The following SLC37A3 variants were observed in gnomAD, a reference collection of about 807,000 sequenced individuals.
The protein encoded by SLC37A3 is sugar phosphate exchanger 3.
SLC37A3 carries 51 observed loss-of-function variants against 67.1 expected under a neutral mutation model. The ratio of observed to expected loss-of-function variants is 0.76; its 90% CI spans 0.61 to 0.96. SLC37A3 has a LOEUF of 0.96. Among genes scored for constraint, SLC37A3 ranks in the 40% least tolerant of loss-of-function variants. SLC37A3 has a pLI of 0.00. For synonymous variants in SLC37A3, 214 were observed against 231.4 expected, an observed-to-expected ratio of 0.92 and a Z score of 0.68; for missense variants, 508 against 603.0, an observed-to-expected ratio of 0.84 and a Z score of 1.65.
In SLC37A3 at chr7:140,349,951, A is replaced by G. The variant is rs180717301; in HGVS notation, c.883-1184T>C. ...AACCTGCATTTCTCTTATATCATAT[A>G]TCATCACTGGGTTAAAGAATTGTGG... On this transcript the variant is annotated intron_variant, in intron 9 of 14. Coordinates refer to ENST00000326232, the MANE Select transcript of SLC37A3 (RefSeq NM_207113.3). Among the ~76,000 whole-genome samples the G allele has an allele frequency of 9.8e-4, 149 of 152,348 alleles. 2 individuals are homozygous for G. The highest frequency in any genetic ancestry group is 2.7e-3 in the Admixed American group (42 of 15,304).
intron 3 of SLC37A3, among the ~76,000 whole-genome samples, chr7:140,377,933 C>A (rs1406738981): frequency 2.6e-5 from 4 of 152,090 alleles, no homozygotes; most frequent in Admixed American, 2.6e-4. Context: ...GAAGCTTGGC[C>A]TGGCCTCACG....
At chr7:140,363,822 G>A (rs1052342645) in intron 5 of SLC37A3, among the ~76,000 whole-genome samples, 7 of 150,550 alleles carry the variant, frequency 4.6e-5, no homozygotes, top group South Asian at 2.1e-4. Context: ...GGAGCAAAGC[G>A]ATGAAGCAGA....
At chr7:140,357,489 CG>C (rs1797077937) in intron 6 of SLC37A3, among the ~76,000 whole-genome samples, 1 of 148,890 alleles carries the variant, frequency 6.7e-6, no homozygotes. Flanking sequence ...CCCAGCACTT[CG>C]GGAGGCCGAG....
At chr7:140,387,779 A>AATATAAATATATTATATATATTATATAT (rs1563053529) in intron 1 of SLC37A3, among the ~76,000 whole-genome samples, 181 of 1,252 alleles carry the variant, frequency 0.14, 3 homozygotes, top group Middle Eastern at 0.25. Context: ...TATTATACAT[A>AATATAAATATATTATATATATTATATAT]AATATAAATA....
intron 5 of SLC37A3, 67 bp from the exon 6 acceptor site, chr7:140,358,852 A>AC (rs1300619655): frequency 6.3e-7 from 1 of 1,590,900 alleles, no homozygotes; most frequent in African/African-American, 1.3e-5. Flanking sequence ...ACGCCACTCT[A>AC]CCCACTTGCT....
intron 1 of SLC37A3, among the ~76,000 whole-genome samples, chr7:140,384,422 A>G (rs1265847069): frequency 6.6e-6 from 1 of 152,158 alleles, no homozygotes; most frequent in African/African-American, 2.4e-5. Flanking sequence ...GAAAAGTACT[A>G]TATTTTAGGC....
intron 6 of SLC37A3, 50 bp downstream of exon 6, chr7:140,358,590 C>T: frequency 6.2e-7 from 1 of 1,607,498 alleles, no homozygotes; most frequent in Middle Eastern, 1.7e-4. Flanking sequence ...GAAAAATCCA[C>T]CATGGAAACC....
At chr7:140,348,825 T>C in intron 9 of SLC37A3, 58 bp from the exon 10 acceptor site, 2 of 1,582,268 alleles carry the variant, frequency 1.3e-6, no homozygotes, top group South Asian at 2.3e-5. Flanking sequence ...CGACTACCAT[T>C]TTTAATGTCA....
At chr7:140,342,867 G>C (rs1394884648) in intron 13 of SLC37A3, among the ~76,000 whole-genome samples, 2 of 152,182 alleles carry the variant, frequency 1.3e-5, no homozygotes, top group Non-Finnish European at 2.9e-5. Flanking sequence ...AGATGATTCT[G>C]ATACCAGACA....
At chr7:140,392,920 T>G (rs1342140695) in intron 1 of SLC37A3, among the ~76,000 whole-genome samples, 1 of 152,066 alleles carries the variant, frequency 6.6e-6, no homozygotes, top group Non-Finnish European at 1.5e-5. Context: ...GATGAAACTA[T>G]GTCTCTACTA....
intron 1 of SLC37A3, among the ~76,000 whole-genome samples, chr7:140,387,793 TA>T (rs1798546167): frequency 3.1e-5 from 2 of 65,366 alleles, no homozygotes; most frequent in African/African-American, 1.3e-4. Flanking sequence ...ATAAATATAT[TA>T]TATATATTAT....
intron 5 of SLC37A3, among the ~76,000 whole-genome samples, chr7:140,360,060 T>C (rs1012581657): frequency 2.0e-5 from 3 of 152,110 alleles, no homozygotes; most frequent in Admixed American, 6.5e-5. Flanking sequence ...TGAAAAACAA[T>C]AGTAGGCCAA....
rs377343691 is a variant in SLC37A3 at position 140,335,432 on chromosome 7, C to T, written c.1465G>A (p.Ala489Thr). Residue 489 changes from alanine (A) to threonine (T), a missense_variant, in exon 15 of 15, where the codon GCT becomes ACT. Physicochemically the swap from Ala to Thr is moderately conservative, Grantham distance 58. Coordinates refer to ENST00000326232, the MANE Select transcript of SLC37A3 (RefSeq NM_207113.3). The stretch of plus-strand genomic sequence containing the variant: ...ACCGGTCACTCCCTCAATATGTGAG[C>T]CTGTCTCCTTAGCACGAGAGAGAAT... ...EIFSLVLRRQ[A>T]HILRE The T allele has an allele frequency of 1.6e-4, 265 of 1,614,076 alleles. No individual in the cohort carries two copies. The highest frequency in any genetic ancestry group is 2.2e-4 in the Non-Finnish European group (257 of 1,180,050).
Position 140,333,852 on chromosome 7 carries a change from T to C in SLC37A3, c.*1560A>G, listed in dbSNP as rs1214566843. 6.6e-6 allele frequency: 1 copy of C among 152,648 alleles called. No homozygotes were observed. The highest frequency in any genetic ancestry group is 1.5e-5 in the Non-Finnish European group (1 of 68,042). The allele number at this position is 152,648 out of a possible 1,614,324, so 9.5% of individuals were successfully genotyped here. The stretch of plus-strand genomic sequence containing the variant: ...CTGATTGGAAATCTGCATGATTAAA[T>C]AACATTAACAAGTTCATAAACACAC... On this transcript the variant is annotated 3_prime_UTR_variant, in exon 15 of 15. Transcript: ENST00000326232.
In SLC37A3 at chr7:140,367,820, C is replaced by CTTT. The variant is rs34092614; in HGVS notation, c.291+1767_291+1769dup. On this transcript the variant is annotated intron_variant, in intron 4 of 14. Coordinates refer to ENST00000326232, the MANE Select transcript of SLC37A3 (RefSeq NM_207113.3). ...GCTACCTCTCCAGGATCCCACCTTC[C>CTTT]TTTTTTTTTTTTTTTTTGAGATGGA... 1.2e-3 allele frequency among the ~76,000 whole-genome samples: 155 copies of CTTT among 129,990 alleles called. 1 individual carries two copies. The East Asian group carries it at 0.013, about 11-fold the overall frequency. The allele number at this position is 129,990 out of a possible 152,430, so 85.3% of individuals were successfully genotyped here.
At chr7:140,366,406 A>G (rs1317931737) in intron 4 of SLC37A3, among the ~76,000 whole-genome samples, 1 of 151,938 alleles carries the variant, frequency 6.6e-6, no homozygotes, top group Non-Finnish European at 1.5e-5. Flanking sequence ...ACCGTGCCCC[A>G]CCAGAATCAA....
chr7:140,375,000 G>C (rs974013604), intron 3 of SLC37A3, among the ~76,000 whole-genome samples: 1 of 151,902 alleles, frequency 6.6e-6, no homozygotes, highest in African/African-American at 2.4e-5. Flanking sequence ...ACAAAAATTA[G>C]CCAGGTGTGG....
intron 9 of SLC37A3, among the ~76,000 whole-genome samples, chr7:140,349,542 G>T (rs56080999): frequency 0.14 from 21,563 of 150,814 alleles, 2,004 homozygotes; most frequent in East Asian, 0.36. Context: ...GGAAAAAGGG[G>T]GGGGGGACAG....
intron 1 of SLC37A3, among the ~76,000 whole-genome samples, chr7:140,394,125 T>C (rs1269716962): frequency 1.3e-5 from 2 of 151,924 alleles, no homozygotes; most frequent in African/African-American, 4.8e-5. Context: ...GAGCCAAGGT[T>C]GCACCATTGC....
Sources: allele counts gnomAD v4.1 joint callset (sites outside exome capture counted in the v4.1 genomes callset), GRCh38; gene constraint gnomAD v4.1.1; transcripts MANE v1.5; gene names NCBI Gene and HGNC (gene_info 2026-07-23, HGNC 2026-07-21).